The following TESK2 variants were observed in gnomAD, a reference collection of about 807,000 sequenced individuals.
TESK2 encodes testis associated actin remodelling kinase 2.
Under a neutral mutation model 57.1 loss-of-function variants are expected in TESK2, and 39 were observed. The observed-to-expected ratio is 0.68, with a 90% CI of 0.53 to 0.89. The LOEUF (loss-of-function observed/expected upper bound fraction) is 0.89, where lower values mean the gene tolerates loss of function less well. Ranked by LOEUF, TESK2 falls within the 40% of genes least tolerant of loss-of-function variation. The pLI, the probability that TESK2 is intolerant of heterozygous loss-of-function variation, is 0.00. For synonymous variants in TESK2, 249 were observed against 267.9 expected (o/e 0.93, Z 0.69); for missense variants, 646 against 732.1 (o/e 0.88, Z 1.36).
intron 3 of TESK2, among the ~76,000 whole-genome samples, chr1:45,409,171 T>A (rs181006861): frequency 6.6e-6 from 1 of 152,200 alleles, no homozygotes; most frequent in African/African-American, 2.4e-5. Context: ...AGAGAGCTCA[T>A]TCAATACTGG....
At chr1:45,451,841 C>G (rs61788284) in intron 2 of TESK2, among the ~76,000 whole-genome samples, 9,314 of 151,946 alleles carry the variant, frequency 0.061, 365 homozygotes, top group Non-Finnish European at 0.09. Context: ...CAAGACCAGC[C>G]TGGCCAGCAT....
At chr1:45,456,583 T>C (rs1368229796) in intron 2 of TESK2, among the ~76,000 whole-genome samples, 1 of 152,124 alleles carries the variant, frequency 6.6e-6, no homozygotes, top group African/African-American at 2.4e-5. Context: ...GGGTTTTTTT[T>C]TTCCTTAAAA....
chr1:45,384,782 C>A (rs1416844369), intron 4 of TESK2, among the ~76,000 whole-genome samples: 3 of 151,520 alleles, frequency 2.0e-5, no homozygotes, highest in Non-Finnish European at 4.4e-5. Context: ...TTATTATTAT[C>A]CCCATTATAC....
intron 3 of TESK2, among the ~76,000 whole-genome samples, chr1:45,414,417 T>C (rs1650156655): frequency 6.6e-6 from 1 of 152,160 alleles, no homozygotes; most frequent in South Asian, 2.1e-4. Context: ...ATATATATCA[T>C]CTCATTTGTG....
chr1:45,457,607 G>C lies in TESK2; in HGVS notation c.179C>G (p.Thr60Ser). ...GAAGCCAGACCCTATTTTTTCACAG[G>C]TGAAATCATCCAAACGCGTCAGTCT... is the stretch of plus-strand genomic sequence containing the variant. Reference protein sequence around the residue: ...FSRLTRLDDFTCEKIGSGFFS... With the variant: ...FSRLTRLDDFSCEKIGSGFFS... Residue 60 changes from threonine (T) to serine (S), a missense_variant, in exon 2 of 11, where the codon ACC becomes AGC. Transcript: ENST00000372086. 1 of 1,614,030 alleles carries C rather than the reference G, an allele frequency of 6.2e-7. No homozygotes were observed. Among genetic ancestry groups the C allele is most frequent in the Admixed American group, 1.7e-5 (1 of 60,006 alleles).
intron 3 of TESK2, among the ~76,000 whole-genome samples, chr1:45,402,607 C>T (rs1428438174): frequency 2.6e-5 from 4 of 151,624 alleles, no homozygotes; most frequent in Non-Finnish European, 1.5e-5. Context: ...CTCAGCCTCC[C>T]AAGTAGCTGG....
At chr1:45,401,773 A>C (rs1334989236) in intron 3 of TESK2, among the ~76,000 whole-genome samples, 1 of 152,174 alleles carries the variant, frequency 6.6e-6, no homozygotes, top group African/African-American at 2.4e-5. Context: ...CCAGTGGTTC[A>C]ATAAAACCAC....
At chr1:45,452,200 ATTACT>A (rs1651901986) in intron 2 of TESK2, among the ~76,000 whole-genome samples, 1 of 152,130 alleles carries the variant, frequency 6.6e-6, no homozygotes, top group Non-Finnish European at 1.5e-5. Flanking sequence ...GTTACTTCCC[ATTACT>A]TTATCAGTAA....
intron 2 of TESK2, among the ~76,000 whole-genome samples, chr1:45,439,711 G>A (rs10890328): frequency 2.0e-5 from 3 of 151,898 alleles, no homozygotes; most frequent in Non-Finnish European, 4.4e-5. Context: ...TCCCAGCTAC[G>A]CAGGAAGCTG....
At chr1:45,355,599 G>T (rs1183121286) in intron 4 of TESK2, 150 bp from the exon 5 acceptor site, 4 of 769,674 alleles carry the variant, frequency 5.2e-6, no homozygotes, top group Non-Finnish European at 8.1e-6. Flanking sequence ...ACTATGGTAG[G>T]TGCTGCACAC....
intron 2 of TESK2, among the ~76,000 whole-genome samples, chr1:45,422,759 T>TTTTTTTTTGTTGTTGTTGTTGTTGTTG (rs1553152260): frequency 6.8e-6 from 1 of 146,890 alleles, no homozygotes; most frequent in African/African-American, 2.5e-5. Flanking sequence ...TGTCTGGTTT[T>TTTTTTTTTGTTGTTGTTGTTGTTGTTG]TTGTTGTTGT....
chr1:45,395,605 TTTTC>T (rs1316650157), intron 3 of TESK2, among the ~76,000 whole-genome samples: 6 of 150,592 alleles, frequency 4.0e-5, no homozygotes, highest in African/African-American at 1.5e-4. Context: ...TTTTCTTTTC[TTTTC>T]TTTTTTTTTT....
chr1:45,448,947 G>C (rs1300953051), intron 2 of TESK2, among the ~76,000 whole-genome samples: 9 of 152,276 alleles, frequency 5.9e-5, no homozygotes, highest in South Asian at 2.1e-4. Flanking sequence ...AAATGGGGCA[G>C]GGTGCAGTGG....
chr1:45,480,146 C>A lies in TESK2; in HGVS notation c.-87+10706G>T, dbSNP rs372782300. Among the ~76,000 whole-genome samples the A allele has an allele frequency of 7.3e-5, 11 of 150,218 alleles. No individual in the cohort carries two copies. In the East Asian group the frequency reaches 1.0e-3, roughly 14 times the overall value. On this transcript the variant is annotated intron_variant, in intron 1 of 10. Coordinates refer to ENST00000372086, the MANE Select transcript of TESK2 (RefSeq NM_007170.3). ...GTCAGGCTCTTCTATCTTTTTTACT[C>A]AATATCCAAAAGCTATAAAAGAAAA...
intron 1 of TESK2, among the ~76,000 whole-genome samples, chr1:45,467,174 T>C (rs573541983): frequency 6.6e-6 from 1 of 152,258 alleles, no homozygotes; most frequent in East Asian, 1.9e-4. Flanking sequence ...CTGCCAATAA[T>C]ATTTTTGTTT....
chr1:45,404,608 A>T (rs1177269050), intron 3 of TESK2, among the ~76,000 whole-genome samples: 2 of 150,784 alleles, frequency 1.3e-5, no homozygotes, highest in African/African-American at 4.9e-5. Flanking sequence ...CAGTGGCGCG[A>T]TCTTGGCTCA....
intron 3 of TESK2, among the ~76,000 whole-genome samples, chr1:45,420,617 G>GAGTGCAGT (rs1341279095): frequency 6.7e-6 from 1 of 149,172 alleles, no homozygotes; most frequent in East Asian, 2.0e-4. Flanking sequence ...ACCCTGGCTG[G>GAGTGCAGT]AGTGCAGTAG....
intron 4 of TESK2, 121 bp from the exon 5 acceptor site, chr1:45,355,570 G>T: frequency 9.1e-7 from 1 of 1,101,916 alleles, no homozygotes; most frequent in Non-Finnish European, 1.3e-6. Flanking sequence ...GTTACTGAGG[G>T]CTTATTCTGC....
intron 4 of TESK2, among the ~76,000 whole-genome samples, chr1:45,364,450 C>G (rs746817948): frequency 2.6e-5 from 4 of 152,208 alleles, no homozygotes; most frequent in Non-Finnish European, 4.4e-5. Context: ...GAAGGATCTT[C>G]CCGTAGAGCC....
Sources: allele counts gnomAD v4.1 joint callset (sites outside exome capture counted in the v4.1 genomes callset), GRCh38; gene constraint gnomAD v4.1.1; transcripts MANE v1.5; gene names NCBI Gene and HGNC (gene_info 2026-07-23, HGNC 2026-07-21).